The following PCCA variants were observed in gnomAD, a reference collection of about 807,000 sequenced individuals.
PCCA encodes propionyl-CoA carboxylase subunit alpha, also known as propionyl-CoA carboxylase alpha chain, mitochondrial.
Under a neutral mutation model 101.3 loss-of-function variants are expected in PCCA, and 74 were observed. The ratio of observed to expected loss-of-function variants is 0.73; its 90% CI spans 0.61 to 0.89. The LOEUF is 0.89. Ranked by LOEUF, PCCA falls within the 40% of genes least tolerant of loss-of-function variation. The pLI, the probability that PCCA is intolerant of heterozygous loss-of-function variation, is 0.00. For missense variants in PCCA, 891 were observed against 907.0 expected, an observed-to-expected ratio of 0.98 and a Z score of 0.23; for synonymous variants, 294 against 313.6, an observed-to-expected ratio of 0.94 and a Z score of 0.66.
chr13:100,121,394 A>G (rs2049376851), intron 4 of PCCA, among the ~76,000 whole-genome samples: 1 of 151,100 alleles, frequency 6.6e-6, no homozygotes, highest in Non-Finnish European at 1.5e-5. Flanking sequence ...TCCTGACCTC[A>G]AGTGATCCTC....
intron 8 of PCCA, among the ~76,000 whole-genome samples, chr13:100,249,098 T>A (rs1032069153): frequency 8.5e-5 from 13 of 152,306 alleles, no homozygotes; most frequent in African/African-American, 2.9e-4. Context: ...GCAGAAATTT[T>A]TATTTTAATG....
chr13:100,103,455 G>A (rs1441516981), intron 2 of PCCA, among the ~76,000 whole-genome samples: 1 of 150,922 alleles, frequency 6.6e-6, no homozygotes, highest in Non-Finnish European at 1.5e-5. Context: ...GGGATTACAG[G>A]CGCCCACCAC....
At chr13:100,468,014 C>T (rs1334960008) in intron 21 of PCCA, among the ~76,000 whole-genome samples, 3 of 152,178 alleles carry the variant, frequency 2.0e-5, no homozygotes, top group Non-Finnish European at 4.4e-5. Flanking sequence ...CCATGGGCTG[C>T]GGAATGGATG....
At chr13:100,152,388 C>T (rs2053438315) in intron 4 of PCCA, among the ~76,000 whole-genome samples, 2 of 146,346 alleles carry the variant, frequency 1.4e-5, no homozygotes, top group South Asian at 4.3e-4. Context: ...CTGGAACAAT[C>T]TTAATCACCC....
chr13:100,151,628 A>C (rs771642012), intron 4 of PCCA, among the ~76,000 whole-genome samples: 5 of 151,726 alleles, frequency 3.3e-5, no homozygotes, highest in Non-Finnish European at 7.4e-5. Context: ...AAAACAAAAC[A>C]AAAAAAACCC....
At chr13:100,298,256 C>T (rs2065711586) in intron 12 of PCCA, among the ~76,000 whole-genome samples, 1 of 152,056 alleles carries the variant, frequency 6.6e-6, no homozygotes, top group Non-Finnish European at 1.5e-5. Context: ...ATGGACTTGG[C>T]AACTCATAAA....
chr13:100,161,795 G>A (rs1336738964), intron 6 of PCCA, among the ~76,000 whole-genome samples: 1 of 151,994 alleles, frequency 6.6e-6, no homozygotes, highest in Non-Finnish European at 1.5e-5. Flanking sequence ...ATATATCGCA[G>A]CTTAAGAAGG....
rs796230963 is a variant in PCCA at position 100,391,023 on chromosome 13, CT to C, written c.1746+22461del. 1.7e-3 allele frequency among the ~76,000 whole-genome samples: 252 copies of C among 144,204 alleles called. 2 individuals carry two copies. The highest frequency in any genetic ancestry group is 0.014 in the East Asian group (69 of 5,000). The allele number at this position is 144,204 out of a possible 152,430, so 94.6% of individuals were successfully genotyped here. ...AAGAACTAGGAGAAGGGCCTCTGTG[CT>C]TTTTTTTTTTTGAAATGGAGTCTTG... On this transcript the variant is annotated intron_variant, in intron 19 of 23. Transcript: ENST00000376285.
chr13:100,325,280 G>A lies in PCCA; in HGVS notation c.1430-5281G>A, dbSNP rs180751605. The stretch of plus-strand genomic sequence containing the variant: ...TAGACTCGAATATGACTGTCTATGG[G>A]AAAAGTGAAGTTGTTATATGACAAC... On this transcript the variant is annotated intron_variant, in intron 16 of 23. Coordinates refer to ENST00000376285, the MANE Select transcript of PCCA (RefSeq NM_000282.4). Among the ~76,000 whole-genome samples the A allele has an allele frequency of 1.3e-3, 202 of 152,274 alleles. 1 individual carries two copies. Among genetic ancestry groups the A allele is most frequent in the Non-Finnish European group, 2.2e-3 (153 of 68,026 alleles).
In PCCA at chr13:100,394,584, TG is replaced by T. The variant is rs2076960874; in HGVS notation, c.1746+26011del. Reference sequence around the variant, plus strand: ...TAACTGAATCTGGTAACAGGGTAGTTGTTTGTTTCAGAAGCTTATATTAACC... The same window carrying T: ...TAACTGAATCTGGTAACAGGGTAGTTTTTGTTTCAGAAGCTTATATTAACC... On this transcript the variant is annotated intron_variant, in intron 19 of 23. Coordinates refer to ENST00000376285, the MANE Select transcript of PCCA (RefSeq NM_000282.4). The surrounding 1 kb of genome is among the most constrained non-coding windows in gnomAD (Gnocchi z 4.3). Among the ~76,000 whole-genome samples, 2 of 152,176 alleles carry T rather than the reference TG, an allele frequency of 1.3e-5. No individual in the cohort carries two copies. The highest frequency in any genetic ancestry group is 6.5e-5 in the Admixed American group (1 of 15,282).
At chr13:100,380,094 G>C (rs1037547220) in intron 19 of PCCA, among the ~76,000 whole-genome samples, 5 of 151,990 alleles carry the variant, frequency 3.3e-5, no homozygotes, top group Admixed American at 6.5e-5. Flanking sequence ...AGTCACATTG[G>C]CTCAGACCTG....
intron 4 of PCCA, among the ~76,000 whole-genome samples, chr13:100,127,228 A>G (rs147126253): frequency 1.3e-5 from 2 of 152,316 alleles, no homozygotes; most frequent in African/African-American, 2.4e-5. Flanking sequence ...TTTAAATTCA[A>G]TAAAACCATC....
intron 22 of PCCA, chr13:100,527,203 G>C (rs955560497): frequency 8.9e-6 from 4 of 451,378 alleles, no homozygotes; most frequent in Non-Finnish European, 1.4e-5. Context: ...GAGTTGTGTA[G>C]TTGTCACCAC....
chr13:100,487,106 AG>A (rs1428257728), intron 21 of PCCA, among the ~76,000 whole-genome samples: 2 of 152,258 alleles, frequency 1.3e-5, no homozygotes, highest in Non-Finnish European at 2.9e-5. Context: ...GCTAATTAAA[AG>A]TAGCTGAAAT....
intron 16 of PCCA, among the ~76,000 whole-genome samples, chr13:100,310,244 C>T (rs911648004): frequency 5.3e-5 from 8 of 152,010 alleles, no homozygotes; most frequent in Admixed American, 3.3e-4. Context: ...GACACACGTT[C>T]AGTTTATGTG....
chr13:100,470,136 C>T (rs1336529388), intron 21 of PCCA, among the ~76,000 whole-genome samples: 2 of 152,128 alleles, frequency 1.3e-5, no homozygotes, highest in East Asian at 3.8e-4. Flanking sequence ...TGGGCTTCCT[C>T]GAGATGGGCA....
At chr13:100,302,188 CT>C (rs1223559831) in intron 13 of PCCA, among the ~76,000 whole-genome samples, 1 of 151,920 alleles carries the variant, frequency 6.6e-6, no homozygotes, top group African/African-American at 2.4e-5. Flanking sequence ...CTTCTAAATG[CT>C]TTTTTTCAAA....
In PCCA at chr13:100,273,216, C is replaced by T; in HGVS notation, c.935C>T (p.Thr312Ile). 1 of 1,613,186 alleles carries T rather than the reference C, an allele frequency of 6.2e-7. No homozygotes were observed. The highest frequency in any genetic ancestry group is 8.5e-7 in the Non-Finnish European group (1 of 1,179,238). The change falls in exon 12 of 24, where the codon ACT becomes ATT. Residue 312 changes from threonine to isoleucine, a missense_variant. Coordinates refer to ENST00000376285, the MANE Select transcript of PCCA (RefSeq NM_000282.4). The part of the protein sequence containing the change: ...EAPSIFLDAE[T>I]RRAMGEQAVA... ...TGTAGCATTTTTTTGGATGCGGAGA[C>T]TCGAAGAGCGATGGGAGAACAAGCT...
chr13:100,205,336 T>A (rs1232586727), intron 6 of PCCA, among the ~76,000 whole-genome samples: 2 of 152,186 alleles, frequency 1.3e-5, no homozygotes, highest in African/African-American at 4.8e-5. Flanking sequence ...GGTTACAGAT[T>A]TATGGGAGCC....
Sources: allele counts gnomAD v4.1 joint callset (sites outside exome capture counted in the v4.1 genomes callset), GRCh38; gene constraint gnomAD v4.1.1; non-coding constraint Gnocchi (gnomAD v3.1); transcripts MANE v1.5; gene names NCBI Gene and HGNC (gene_info 2026-07-23, HGNC 2026-07-21).